Variants in SERF2 observed in about 807,000 individuals in gnomAD.
SERF2 encodes the protein small EDRK-rich factor 2.
Under a neutral mutation model 10.7 loss-of-function variants are expected in SERF2, and 4 were observed. The ratio of observed to expected loss-of-function variants is 0.37; its 90% confidence interval spans 0.18 to 0.86. The LOEUF (loss-of-function observed/expected upper bound fraction) is 0.86, where lower values mean the gene tolerates loss of function less well. Ranked by LOEUF, SERF2 falls within the 40% of genes least tolerant of loss-of-function variation. The pLI is 0.43. For synonymous variants in SERF2, 26 were observed against 26.0 expected, an observed-to-expected ratio of 1.00 and a Z score of 0.01; for missense variants, 47 against 79.1, an observed-to-expected ratio of 0.59 and a Z score of 1.54.
intron 1 of SERF2, among the ~76,000 whole-genome samples, chr15:43,783,093 C>T (rs2086977630): frequency 6.6e-6 from 1 of 150,496 alleles, no homozygotes; most frequent in Non-Finnish European, 1.5e-5. Context: ...CTGCAATCTC[C>T]ACCTCCCGGG....
intron 1 of SERF2, among the ~76,000 whole-genome samples, chr15:43,782,537 G>T (rs577937131): frequency 6.6e-6 from 1 of 152,130 alleles, no homozygotes; most frequent in South Asian, 2.1e-4. Flanking sequence ...AATTTTATCA[G>T]TTTCCATTTT....
At position 43,795,596 on chromosome 15, in the gene SERF2, C is replaced by CT. The variant is rs1286516389; in HGVS notation, c.*1824dup. On this transcript the variant is annotated 3_prime_UTR_variant, in exon 3 of 3. Coordinates refer to ENST00000249786, the MANE Select transcript of SERF2 (RefSeq NM_001018108.4). ...GAGCTGCTGAAACACCTCTTCCCCT[C>CT]TCCCCCAACTACCTTTGTTAAGGCT... The CT allele has an allele frequency of 6.2e-7, 1 of 1,611,744 alleles. No individual in the cohort carries two copies. Among genetic ancestry groups the CT allele is most frequent in the East Asian group, 2.2e-5 (1 of 44,866 alleles).
exon 1 of SERF2, chr15:43,777,122 G>T (rs557851267): frequency 5.3e-6 from 4 of 749,234 alleles, no homozygotes; most frequent in Admixed American, 2.0e-5. Context: ...GGACCTCGGC[G>T]CTTTCTTCTA....
intron 1 of SERF2, among the ~76,000 whole-genome samples, chr15:43,782,345 G>T (rs113118898): frequency 0.011 from 1,609 of 152,170 alleles, 21 homozygotes; most frequent in African/African-American, 0.036. Flanking sequence ...TTTGCAAGCT[G>T]TGACACTTAC....
intron 1 of SERF2, among the ~76,000 whole-genome samples, chr15:43,781,868 C>G (rs1193342895): frequency 6.7e-6 from 1 of 149,492 alleles, no homozygotes. Flanking sequence ...AGGTGTGAGC[C>G]ACCGCACCTG....
chr15:43,779,411 A>C (rs1409350102), intron 1 of SERF2, among the ~76,000 whole-genome samples: 1 of 152,204 alleles, frequency 6.6e-6, no homozygotes, highest in African/African-American at 2.4e-5. Flanking sequence ...GGCTTAGAGA[A>C]GCAGAGATTC....
In SERF2 at chr15:43,782,954, C is replaced by T. The variant is rs191648282; in HGVS notation, c.-526-2456C>T. Among the ~76,000 whole-genome samples the T allele has an allele frequency of 3.1e-3, 443 of 140,756 alleles. 1 individual carries two copies. Among genetic ancestry groups the T allele is most frequent in the African/African-American group, 0.011 (417 of 37,940 alleles). 92.3% of individuals were successfully genotyped at this position (140,756 alleles called of 152,430 possible). A position where few individuals can be genotyped will look rare whatever the true frequency, so the allele number is the denominator to read the frequency against. ...CTGCCTCCTGGGTTCAAGCAATTCT[C>T]GTGCCTCAGCCTCCTGAGTAGCTGG... On this transcript the variant is annotated intron_variant, in intron 1 of 4. Transcript: ENST00000381359.
In SERF2 at chr15:43,795,311, C is replaced by G; in HGVS notation, c.*1538C>G. ...AATATAATGGCAGACCCATGTGTGTCTGGAATGGCCTTGAATTGCTCTTTC... is the reference window on the plus strand; with the variant it reads ...AATATAATGGCAGACCCATGTGTGTGTGGAATGGCCTTGAATTGCTCTTTC... On this transcript the variant is annotated 3_prime_UTR_variant, in exon 3 of 3. Transcript: ENST00000249786. The G allele has an allele frequency of 1.3e-6, 2 of 1,597,204 alleles. No individual in the cohort carries two copies. The highest frequency in any genetic ancestry group is 1.7e-6 in the Non-Finnish European group (2 of 1,165,644).
rs950801535 is a variant in SERF2 at position 43,777,463 on chromosome 15, C to T, written c.-566C>T. ...AGACAGCGCCTGGGCTTTTTCCCGC[C>T]CGCGGTTCCACCGCTCTGAAACCGA... is the stretch of plus-strand genomic sequence containing the variant. On this transcript the variant is annotated 5_prime_UTR_variant, in exon 1 of 5. Transcript: ENST00000381359. The T allele has an allele frequency of 3.0e-5, 6 of 198,278 alleles. No individual in the cohort carries two copies. In the East Asian group the frequency reaches 7.2e-4, roughly 24 times the overall value. 12.3% of individuals were successfully genotyped at this position (198,278 alleles called of 1,614,324 possible).
At chr15:43,778,523 A>T (rs1216195395) in intron 1 of SERF2, among the ~76,000 whole-genome samples, 1 of 141,058 alleles carries the variant, frequency 7.1e-6, no homozygotes, top group African/African-American at 2.6e-5. Flanking sequence ...TGAGCAACAG[A>T]GAGAGACCCT....
At chr15:43,785,042 T>A (rs1211667234) in intron 1 of SERF2, among the ~76,000 whole-genome samples, 1 of 133,544 alleles carries the variant, frequency 7.5e-6, no homozygotes, top group African/African-American at 2.8e-5. Flanking sequence ...CGTGAGCCAC[T>A]GTGCTCTGCC....
chr15:43,777,732 A>G (rs1311063438), intron 1 of SERF2, among the ~76,000 whole-genome samples: 2 of 152,106 alleles, frequency 1.3e-5, no homozygotes, highest in Non-Finnish European at 2.9e-5. Flanking sequence ...CAGGCATTCC[A>G]GAGGGCCAGA....
chr15:43,792,063 A>C, upstream of SERF2: 1 of 496,010 alleles, frequency 2.0e-6, no homozygotes, highest in Non-Finnish European at 3.7e-6. Flanking sequence ...CCACATCGCC[A>C]GCCGCACCCC....
At chr15:43,793,555 C>G (rs2087123507) in intron 2 of SERF2, 155 bp from the exon 3 acceptor site, 4 of 1,511,186 alleles carry the variant, frequency 2.6e-6, no homozygotes, top group East Asian at 2.3e-5. Flanking sequence ...AGCCTCAGCT[C>G]TCTTCCTCTT....
intron 1 of SERF2, among the ~76,000 whole-genome samples, chr15:43,779,881 C>A (rs2086951246): frequency 1.3e-5 from 2 of 152,116 alleles, no homozygotes; most frequent in Admixed American, 1.3e-4. Context: ...CTGGTACTGG[C>A]AGTAACTGCA....
chr15:43,794,896 A>T lies in SERF2; in HGVS notation c.*1123A>T. On this transcript the variant is annotated 3_prime_UTR_variant, in exon 3 of 3. Coordinates refer to ENST00000249786, the MANE Select transcript of SERF2 (RefSeq NM_001018108.4). ...AGTATTGACTTCAGCCCAAACGGAGATAACTCCCTGTGTGTCCTTGAGGTA... is the reference window on the plus strand; with the variant it reads ...AGTATTGACTTCAGCCCAAACGGAGTTAACTCCCTGTGTGTCCTTGAGGTA... The T allele has an allele frequency of 1.2e-6, 1 of 861,384 alleles. No homozygotes were observed. The highest frequency in any genetic ancestry group is 1.8e-6 in the Non-Finnish European group (1 of 548,202). 53.4% of individuals were successfully genotyped at this position (861,384 alleles called of 1,614,324 possible).
chr15:43,784,099 T>A (rs946874120), intron 1 of SERF2, among the ~76,000 whole-genome samples: 9 of 151,868 alleles, frequency 5.9e-5, no homozygotes, highest in Non-Finnish European at 1.0e-4. Flanking sequence ...GGCTAATTTT[T>A]AAAAGTTTTG....
Position 43,794,441 on chromosome 15 carries a change from G to T in SERF2, c.*668G>T, listed in dbSNP as rs2087153607. 6.1e-6 allele frequency: 1 copy of T among 162,666 alleles called. No homozygotes were observed. Among genetic ancestry groups the T allele is most frequent in the Admixed American group, 6.2e-5 (1 of 16,014 alleles). 10.1% of individuals were successfully genotyped at this position (162,666 alleles called of 1,614,324 possible). ...CACCGACTTCCCGTGGTCAGCTGCT[G>T]TCAAGCGTTCACTTTCTCTTCTGTC... is the stretch of plus-strand genomic sequence containing the variant. On this transcript the variant is annotated 3_prime_UTR_variant, in exon 3 of 3. Transcript: ENST00000249786.
At chr15:43,786,189 G>A (rs998718943) in intron 2 of SERF2, among the ~76,000 whole-genome samples, 2 of 151,908 alleles carry the variant, frequency 1.3e-5, no homozygotes, top group Admixed American at 6.6e-5. Flanking sequence ...GCTGAGGCAG[G>A]CAGATCATGA....
Sources: allele counts gnomAD v4.1 joint callset (sites outside exome capture counted in the v4.1 genomes callset), GRCh38; gene constraint gnomAD v4.1.1; transcripts MANE v1.5; gene names NCBI Gene and HGNC (gene_info 2026-07-23, HGNC 2026-07-21).